The following PLD1 variants were observed in gnomAD, a reference collection of about 807,000 sequenced individuals.
PLD1 encodes the protein choline phosphatase 1.
A neutral mutation model predicts 137.1 loss-of-function variants in PLD1; 112 were observed. The ratio of observed to expected loss-of-function variants is 0.82; its 90% confidence interval spans 0.70 to 0.96. The LOEUF (loss-of-function observed/expected upper bound fraction) is 0.96, where lower values mean the gene tolerates loss of function less well. Ranked by LOEUF, PLD1 falls within the 40% of genes least tolerant of loss-of-function variation. The pLI is 0.00. For synonymous variants in PLD1, 431 were observed against 454.7 expected, an observed-to-expected ratio of 0.95 and a Z score of 0.66; for missense variants, 1,321 against 1,342.0, an observed-to-expected ratio of 0.98 and a Z score of 0.24.
chr3:171,707,640 C>G (rs771020643), intron 11 of PLD1, among the ~76,000 whole-genome samples: 1 of 152,114 alleles, frequency 6.6e-6, no homozygotes, highest in Non-Finnish European at 1.5e-5. Flanking sequence ...GATTCCCAGC[C>G]GACAAGGATC....
chr3:171,609,123 A>G (rs1732437797), intron 25 of PLD1, among the ~76,000 whole-genome samples: 1 of 152,220 alleles, frequency 6.6e-6, no homozygotes, highest in African/African-American at 2.4e-5. Flanking sequence ...CAAGCAGCCA[A>G]CAAACATAAA....
At chr3:171,731,778 G>GA (rs1190135332) in intron 6 of PLD1, among the ~76,000 whole-genome samples, 159 of 144,680 alleles carry the variant, frequency 1.1e-3, no homozygotes, top group African/African-American at 3.6e-3. Context: ...TCCCAAAAAA[G>GA]AAAAAAAAAA....
chr3:171,647,410 T>C (rs1270801244), intron 21 of PLD1, among the ~76,000 whole-genome samples: 1 of 152,198 alleles, frequency 6.6e-6, no homozygotes, highest in Non-Finnish European at 1.5e-5. Context: ...TTACATTTTA[T>C]TGTGGTAAAA....
rs562542271 is a variant in PLD1 at position 171,810,194 on chromosome 3, G to C, written c.-32+205C>G. On this transcript the variant is annotated intron_variant, in intron 1 of 26. Transcript: ENST00000351298. Reference sequence around the variant, plus strand: ...TGCCAGAGTTGTCAGCTTTCACCCTGCAGGAATTCCACCCGAAGGCGTGCG... The same window carrying C: ...TGCCAGAGTTGTCAGCTTTCACCCTCCAGGAATTCCACCCGAAGGCGTGCG... Among the ~76,000 whole-genome samples, 3 of 152,242 alleles carry C rather than the reference G, an allele frequency of 2.0e-5. 1 individual carries two copies. The highest frequency in any genetic ancestry group is 2.0e-4 in the Admixed American group (3 of 15,290).
At chr3:171,643,983 G>C (rs1274540214) in intron 22 of PLD1, among the ~76,000 whole-genome samples, 1 of 152,066 alleles carries the variant, frequency 6.6e-6, no homozygotes, top group African/African-American at 2.4e-5. Context: ...CACTCGAACT[G>C]TGCACAGATC....
At chr3:171,791,975 T>C (rs1723231536) in intron 1 of PLD1, 1 of 152,746 alleles carries the variant, frequency 6.5e-6, no homozygotes, top group Non-Finnish European at 1.5e-5. Context: ...CTGGCTGGCC[T>C]GGCTCCCTTT....
chr3:171,706,338 T>C (rs1394759108), intron 11 of PLD1, among the ~76,000 whole-genome samples: 1 of 151,942 alleles, frequency 6.6e-6, no homozygotes, highest in African/African-American at 2.4e-5. Flanking sequence ...GCTCAACCCA[T>C]CATTTGAAAA....
At chr3:171,651,074 T>A (rs1232318395) in intron 21 of PLD1, among the ~76,000 whole-genome samples, 1 of 152,094 alleles carries the variant, frequency 6.6e-6, no homozygotes, top group Admixed American at 6.6e-5. Context: ...CCACAGTCCC[T>A]CCTCAGCATG....
At chr3:171,625,872 CA>C (rs1734060241) in intron 23 of PLD1, among the ~76,000 whole-genome samples, 1 of 152,056 alleles carries the variant, frequency 6.6e-6, no homozygotes, top group Non-Finnish European at 1.5e-5. Context: ...CATCAAAGAC[CA>C]AAAGTACATA....
chr3:171,662,816 CA>C (rs1240623900), intron 19 of PLD1, among the ~76,000 whole-genome samples: 9 of 152,184 alleles, frequency 5.9e-5, no homozygotes, highest in African/African-American at 2.2e-4. Context: ...TTTCTAATGG[CA>C]TAATAAAGGA....
chr3:171,674,470 T>G, intron 19 of PLD1, 30 bp downstream of exon 19: 2 of 1,164,998 alleles, frequency 1.7e-6, no homozygotes, highest in Non-Finnish European at 2.5e-6. Context: ...AGTAGCATTT[T>G]GTCAAAAAGA....
intron 8 of PLD1, among the ~76,000 whole-genome samples, chr3:171,715,805 GGTTT>G (rs1717638994): frequency 6.6e-6 from 1 of 151,872 alleles, no homozygotes; most frequent in South Asian, 2.1e-4. Flanking sequence ...TACACATACA[GGTTT>G]GTTACATAGG....
chr3:171,807,844 C>A (rs1723916140), intron 1 of PLD1, among the ~76,000 whole-genome samples: 1 of 152,154 alleles, frequency 6.6e-6, no homozygotes, highest in Admixed American at 6.5e-5. Flanking sequence ...AACTATGGAC[C>A]GGATAAGAGA....
At chr3:171,735,133 T>A (rs1719255184) in intron 4 of PLD1, among the ~76,000 whole-genome samples, 163 bp from the exon 5 acceptor site, 1 of 152,200 alleles carries the variant, frequency 6.6e-6, no homozygotes, top group Non-Finnish European at 1.5e-5. Context: ...ATACACTTTT[T>A]ATTTATTTAT....
At chr3:171,790,657 G>A (rs1229048425) in intron 1 of PLD1, among the ~76,000 whole-genome samples, 2 of 152,166 alleles carry the variant, frequency 1.3e-5, no homozygotes, top group African/African-American at 4.8e-5. Context: ...TGCAAAGGAA[G>A]CTGGCATGCT....
chr3:171,659,247 C>G lies in PLD1; in HGVS notation c.2395G>C (p.Asp799His), dbSNP rs540439098. Residue 799 changes from aspartate to histidine, a missense_variant, in exon 21 of 27, where the codon GAT becomes CAT. Transcript: ENST00000351298. ...DDKVVFNKIGDAIAQRILKAH... is the reference protein window; with the variant it reads ...DDKVVFNKIGHAIAQRILKAH... ...TTCAGGATCCTCTGGGCAATGGCATCGCCTATCTTGTTGAACACAACTTTG... is the reference window on the plus strand; with the variant it reads ...TTCAGGATCCTCTGGGCAATGGCATGGCCTATCTTGTTGAACACAACTTTG... 1 of 1,613,548 alleles carries G rather than the reference C, an allele frequency of 6.2e-7. No individual in the cohort carries two copies. The highest frequency in any genetic ancestry group is 2.2e-5 in the East Asian group (1 of 44,872).
intron 1 of PLD1, among the ~76,000 whole-genome samples, chr3:171,745,396 G>C (rs189600523): frequency 6.6e-6 from 1 of 152,250 alleles, no homozygotes; most frequent in African/African-American, 2.4e-5. Context: ...CCTCCAGATG[G>C]GCTGGGTCCA....
chr3:171,790,038 C>T (rs1723155868), intron 1 of PLD1: 1 of 152,248 alleles, frequency 6.6e-6, no homozygotes, highest in African/African-American at 2.4e-5. Context: ...GTTATTCAAT[C>T]AAGTACTAAT....
intron 1 of PLD1, among the ~76,000 whole-genome samples, chr3:171,786,142 T>TGTAGGTTC (rs1723005821): frequency 6.6e-6 from 1 of 152,184 alleles, no homozygotes; most frequent in African/African-American, 2.4e-5. Flanking sequence ...GTCACCTTAA[T>TGTAGGTTC]GTAGGTTCGT....
Sources: allele counts gnomAD v4.1 joint callset (sites outside exome capture counted in the v4.1 genomes callset), GRCh38; gene constraint gnomAD v4.1.1; transcripts MANE v1.5; gene names NCBI Gene and HGNC (gene_info 2026-07-23, HGNC 2026-07-21).